The following TBL1XR1 variants were observed in gnomAD, a reference collection of about 807,000 sequenced individuals.
TBL1XR1 encodes F-box-like/WD repeat-containing protein TBL1XR1.
Under a neutral mutation model 66.9 loss-of-function variants are expected in TBL1XR1, and 5 were observed. That is an observed-to-expected ratio of 0.07 (90% CI 0.04 to 0.16). TBL1XR1 has a LOEUF of 0.16. TBL1XR1 is among the 10% of genes least tolerant of loss of function. The probability of loss-of-function intolerance (pLI) is 1.00; values close to 1 mark genes in which losing one functional copy is unlikely to be tolerated. For synonymous variants in TBL1XR1, 210 were observed against 206.0 expected, an observed-to-expected ratio of 1.02 and a Z score of -0.17; for missense variants, 238 against 623.2, an observed-to-expected ratio of 0.38 and a Z score of 6.58.
At chr3:177,110,859 T>C (rs1055874583) in intron 1 of TBL1XR1, 3 of 152,158 alleles carry the variant, frequency 2.0e-5, no homozygotes, top group African/African-American at 7.2e-5. Flanking sequence ...GAATACTTCT[T>C]CTAGATAGGG....
chr3:177,066,758 A>G (rs199589407), intron 2 of TBL1XR1, among the ~76,000 whole-genome samples: 2 of 152,288 alleles, frequency 1.3e-5, no homozygotes, highest in East Asian at 3.9e-4. Flanking sequence ...AACTGACTGG[A>G]TGCATAGTTG....
chr3:177,094,066 A>C (rs891840932), intron 2 of TBL1XR1, among the ~76,000 whole-genome samples: 2 of 152,194 alleles, frequency 1.3e-5, no homozygotes, highest in Non-Finnish European at 2.9e-5. Context: ...GAAAATCTCC[A>C]CTATCTATAC....
intron 2 of TBL1XR1, among the ~76,000 whole-genome samples, chr3:177,080,728 T>C (rs1721292783): frequency 6.6e-6 from 1 of 152,196 alleles, no homozygotes; most frequent in Admixed American, 6.5e-5. Flanking sequence ...TCAGTAACAA[T>C]AGGTCCTGGT....
At chr3:177,058,985 T>C (rs540779055) in intron 3 of TBL1XR1, among the ~76,000 whole-genome samples, 2 of 152,354 alleles carry the variant, frequency 1.3e-5, no homozygotes, top group Admixed American at 6.5e-5. Flanking sequence ...TATTGTCAAT[T>C]AGTCATGGAT....
intron 2 of TBL1XR1, among the ~76,000 whole-genome samples, chr3:177,075,103 T>G (rs924801456): frequency 3.3e-5 from 5 of 152,232 alleles, no homozygotes; most frequent in African/African-American, 1.2e-4. Context: ...GTCTCATAGT[T>G]CTATGGCTAG....
At chr3:177,146,499 G>A (rs1245656660) in intron 1 of TBL1XR1, among the ~76,000 whole-genome samples, 2 of 148,424 alleles carry the variant, frequency 1.3e-5, no homozygotes, top group African/African-American at 5.0e-5. Context: ...ATGTTGGCCA[G>A]GCTGGTCTCG....
intron 1 of TBL1XR1, among the ~76,000 whole-genome samples, chr3:177,195,894 T>C (rs1736790954): frequency 6.6e-6 from 1 of 152,210 alleles, no homozygotes; most frequent in Non-Finnish European, 1.5e-5. Context: ...TCTTCACCCC[T>C]GGTGCCTGCA....
intron 1 of TBL1XR1, among the ~76,000 whole-genome samples, chr3:177,158,474 G>A (rs1240207951): frequency 2.6e-5 from 4 of 152,106 alleles, no homozygotes; most frequent in South Asian, 2.1e-4. Flanking sequence ...TGATCCGCCC[G>A]CCTCGGCCTC....
chr3:177,098,356 G>T, intron 2 of TBL1XR1, 110 bp downstream of exon 2: 1 of 438,446 alleles, frequency 2.3e-6, no homozygotes. Context: ...CACTTACTTA[G>T]CTTGGGAACA....
chr3:177,112,107 A>ATATATATATTTT, intron 1 of TBL1XR1, among the ~76,000 whole-genome samples: 10 of 37,648 alleles, frequency 2.7e-4, no homozygotes, highest in African/African-American at 6.4e-4. Flanking sequence ...ATATATATAT[A>ATATATATATTTT]TTTTTTTTTT....
chr3:177,183,035 T>C (rs781510526), intron 1 of TBL1XR1, among the ~76,000 whole-genome samples: 3 of 152,164 alleles, frequency 2.0e-5, no homozygotes, highest in Non-Finnish European at 2.9e-5. Context: ...TTACTTCTTA[T>C]GTATGCCTTA....
chr3:177,164,032 G>C (rs1463202798), intron 1 of TBL1XR1: 1 of 152,090 alleles, frequency 6.6e-6, no homozygotes, highest in Non-Finnish European at 1.5e-5. Flanking sequence ...TTCAACCAGA[G>C]AATTATTAGC....
intron 1 of TBL1XR1, among the ~76,000 whole-genome samples, chr3:177,181,849 T>G (rs888122931): frequency 6.8e-6 from 1 of 147,910 alleles, no homozygotes; most frequent in Non-Finnish European, 1.5e-5. Flanking sequence ...ACACACATGA[T>G]GAAGGGTCTA....
intron 1 of TBL1XR1, among the ~76,000 whole-genome samples, chr3:177,173,953 A>G (rs1168572135): frequency 1.3e-5 from 2 of 152,340 alleles, no homozygotes; most frequent in African/African-American, 2.4e-5. Context: ...TGACTTTTAT[A>G]TTAATGTAAA....
intron 1 of TBL1XR1, among the ~76,000 whole-genome samples, chr3:177,130,578 G>A (rs1013179576): frequency 1.3e-5 from 2 of 152,110 alleles, no homozygotes; most frequent in Non-Finnish European, 2.9e-5. Context: ...AATAATACCC[G>A]TCACTCCAGA....
intron 7 of TBL1XR1, among the ~76,000 whole-genome samples, chr3:177,048,832 C>T (rs1172803958): frequency 6.6e-6 from 1 of 152,194 alleles, no homozygotes; most frequent in African/African-American, 2.4e-5. Flanking sequence ...AACTACCAAG[C>T]TCAACAAACC....
intron 1 of TBL1XR1, among the ~76,000 whole-genome samples, chr3:177,192,135 C>T (rs146394119): frequency 6.4e-4 from 92 of 143,480 alleles, no homozygotes; most frequent in African/African-American, 2.3e-3. Flanking sequence ...CGGTGGCTCA[C>T]GCCTGTAATC....
At chr3:177,173,317 C>T (rs938794168) in intron 1 of TBL1XR1, among the ~76,000 whole-genome samples, 1 of 152,176 alleles carries the variant, frequency 6.6e-6, no homozygotes, top group African/African-American at 2.4e-5. Flanking sequence ...TGCATGAGGG[C>T]TAGATTAGTA....
chr3:177,115,867 A>G (rs929477273), intron 1 of TBL1XR1, among the ~76,000 whole-genome samples: 6 of 152,332 alleles, frequency 3.9e-5, no homozygotes, highest in African/African-American at 1.4e-4. Flanking sequence ...ACAGGCCCAG[A>G]TAAATACTTG....
Sources: gnomAD v4.1 joint callset for allele counts (sites outside exome capture counted in the v4.1 genomes callset) on GRCh38, gnomAD v4.1.1 for gene constraint, MANE v1.5 for transcripts, NCBI Gene and HGNC (gene_info 2026-07-23, HGNC 2026-07-21) for gene names.